The following CSMD3 variants were observed in gnomAD, a reference collection of about 807,000 sequenced individuals.
CSMD3 encodes the protein CUB and sushi domain-containing protein 3.
CSMD3 carries 177 observed loss-of-function variants against 435.2 expected under a neutral mutation model. The observed-to-expected ratio is 0.41, with a 90% CI of 0.36 to 0.46. The LOEUF is 0.46. Among genes scored for constraint, CSMD3 ranks in the 20% least tolerant of loss-of-function variants. CSMD3 has a pLI of 0.34. For synonymous variants in CSMD3, 1,656 were observed against 1,520.5 expected (o/e 1.09, Z -2.07); for missense variants, 4,265 against 4,504.6 (o/e 0.95, Z 1.52).
chr8:113,152,516 A>G (rs2091832408), intron 4 of CSMD3, among the ~76,000 whole-genome samples: 1 of 152,104 alleles, frequency 6.6e-6, no homozygotes, highest in African/African-American at 2.4e-5. Flanking sequence ...TCCAGGAGTA[A>G]GAAACATGAT....
intron 27 of CSMD3, among the ~76,000 whole-genome samples, chr8:112,519,553 T>C (rs1281577277): frequency 6.6e-6 from 1 of 152,138 alleles, no homozygotes; most frequent in Admixed American, 6.6e-5. Context: ...TTAAATTAGC[T>C]TAACACTCAT....
At chr8:112,250,704 C>T (rs940134722) in intron 63 of CSMD3, among the ~76,000 whole-genome samples, 36 of 151,244 alleles carry the variant, frequency 2.4e-4, no homozygotes, top group African/African-American at 7.0e-4. Context: ...CCAATATTTA[C>T]GAATAAAAAG....
At chr8:112,242,517 T>C (rs559308208) in intron 65 of CSMD3, among the ~76,000 whole-genome samples, 3 of 152,130 alleles carry the variant, frequency 2.0e-5, no homozygotes, top group African/African-American at 7.2e-5. Flanking sequence ...GTAGAGATAA[T>C]ACTGAGTTAG....
chr8:112,384,928 T>A (rs2131262541), intron 36 of CSMD3, among the ~76,000 whole-genome samples: 1 of 152,346 alleles, frequency 6.6e-6, no homozygotes, highest in African/African-American at 2.4e-5. Flanking sequence ...AATGTGAAGA[T>A]TCACGCAGGA....
intron 38 of CSMD3, among the ~76,000 whole-genome samples, chr8:112,368,872 TA>T (rs1264299641): frequency 1.3e-5 from 2 of 152,080 alleles, no homozygotes; most frequent in Non-Finnish European, 2.9e-5. Flanking sequence ...CACAGTAATT[TA>T]AAAAAATAAA....
At chr8:112,836,677 G>T (rs2080034480) in intron 11 of CSMD3, among the ~76,000 whole-genome samples, 1 of 151,856 alleles carries the variant, frequency 6.6e-6, no homozygotes, top group African/African-American at 2.4e-5. Flanking sequence ...AAAACTACAT[G>T]TTGAGATGTC....
chr8:112,592,498 C>T (rs1253070661), intron 22 of CSMD3, among the ~76,000 whole-genome samples: 1 of 151,906 alleles, frequency 6.6e-6, no homozygotes, highest in African/African-American at 2.4e-5. Flanking sequence ...ACTTTTTCCC[C>T]TTAAACATTT....
chr8:112,926,777 A>G (rs1487006536), intron 9 of CSMD3, among the ~76,000 whole-genome samples: 1 of 152,082 alleles, frequency 6.6e-6, no homozygotes, highest in Non-Finnish European at 1.5e-5. Context: ...TGGGTCATAG[A>G]AGAGGATCTA....
intron 6 of CSMD3, among the ~76,000 whole-genome samples, chr8:112,988,633 T>A (rs2131004752): frequency 6.6e-6 from 1 of 152,178 alleles, no homozygotes; most frequent in South Asian, 2.1e-4. Context: ...TTCTGCAAGT[T>A]TCTGGTTCCT....
chr8:112,877,509 C>G (rs2130143484), intron 10 of CSMD3, among the ~76,000 whole-genome samples: 1 of 152,198 alleles, frequency 6.6e-6, no homozygotes, highest in Middle Eastern at 3.4e-3. Flanking sequence ...CTCAGGTGAT[C>G]TGCTCGCCTC....
At chr8:113,096,612 G>C (rs1204636513) in intron 5 of CSMD3, among the ~76,000 whole-genome samples, 1 of 151,810 alleles carries the variant, frequency 6.6e-6, no homozygotes, top group Non-Finnish European at 1.5e-5. Flanking sequence ...AGCCCCTCAA[G>C]TGAATTCACA....
chr8:112,939,516 C>T (rs951216478), intron 9 of CSMD3, among the ~76,000 whole-genome samples: 4 of 151,906 alleles, frequency 2.6e-5, no homozygotes, highest in Non-Finnish European at 4.4e-5. Flanking sequence ...AAATAACTTC[C>T]CCAAGTCAAG....
chr8:113,354,945 G>A (rs981574378), intron 1 of CSMD3, among the ~76,000 whole-genome samples: 1 of 152,034 alleles, frequency 6.6e-6, no homozygotes, highest in African/African-American at 2.4e-5. Flanking sequence ...AACCAACAGA[G>A]ACAAATGTTG....
intron 5 of CSMD3, 29 bp from the exon 6 acceptor site, chr8:113,019,208 AT>A: frequency 6.8e-7 from 1 of 1,473,898 alleles, no homozygotes; most frequent in Admixed American, 1.7e-5. Flanking sequence ...CAACAAAAAA[AT>A]TTAAAAAGCT....
intron 1 of CSMD3, among the ~76,000 whole-genome samples, chr8:113,339,416 T>A (rs2094101900): frequency 1.3e-5 from 2 of 151,988 alleles, no homozygotes; most frequent in East Asian, 1.9e-4. Flanking sequence ...GAAACATGAT[T>A]TCATGGCTGT....
intron 13 of CSMD3, among the ~76,000 whole-genome samples, chr8:112,751,157 C>T (rs1441906721): frequency 6.6e-6 from 1 of 151,978 alleles, no homozygotes; most frequent in African/African-American, 2.4e-5. Context: ...TAATCCTCCC[C>T]AGCCCTGCAG....
chr8:112,585,944 T>C (rs945802441), intron 23 of CSMD3, among the ~76,000 whole-genome samples: 2 of 151,378 alleles, frequency 1.3e-5, no homozygotes, highest in African/African-American at 4.8e-5. Context: ...GAACTAGAGG[T>C]GGGAGAGTTT....
At chr8:112,636,768 A>G (rs2131579871) in intron 22 of CSMD3, 49 bp downstream of exon 22, 1 of 1,452,930 alleles carries the variant, frequency 6.9e-7, no homozygotes, top group Non-Finnish European at 9.7e-7. Context: ...ATGCAACTCC[A>G]TGGACAGTGA....
intron 38 of CSMD3, among the ~76,000 whole-genome samples, chr8:112,367,795 A>G (rs1362470356): frequency 6.6e-6 from 1 of 152,210 alleles, no homozygotes; most frequent in Non-Finnish European, 1.5e-5. Context: ...AAGTCCTTCA[A>G]TGAGGCTACT....
Sources: allele counts gnomAD v4.1 joint callset (sites outside exome capture counted in the v4.1 genomes callset), GRCh38; gene constraint gnomAD v4.1.1; transcripts MANE v1.5; gene names NCBI Gene and HGNC (gene_info 2026-07-23, HGNC 2026-07-21).